SND1: variants seen among roughly 807,000 people sequenced by gnomAD.
SND1 encodes the protein staphylococcal nuclease domain-containing protein 1.
SND1 carries 38 observed loss-of-function variants against 121.7 expected under a neutral mutation model. The ratio of observed to expected loss-of-function variants is 0.31; its 90% CI spans 0.24 to 0.41. SND1 has a LOEUF of 0.41. Ranked by LOEUF, SND1 falls within the 10% of genes least tolerant of loss-of-function variation. SND1 has a pLI of 1.00. For synonymous variants in SND1, 401 were observed against 447.4 expected, an observed-to-expected ratio of 0.90 and a Z score of 1.31; for missense variants, 868 against 1,184.6, an observed-to-expected ratio of 0.73 and a Z score of 3.92.
intron 1 of SND1, among the ~76,000 whole-genome samples, chr7:127,683,568 A>T (rs1359421139): frequency 6.6e-6 from 1 of 152,230 alleles, no homozygotes; most frequent in African/African-American, 2.4e-5. Context: ...GAGGGAAACT[A>T]GTTCTTCCCT....
chr7:127,807,090 C>G (rs570628628), intron 10 of SND1, among the ~76,000 whole-genome samples: 1 of 152,306 alleles, frequency 6.6e-6, no homozygotes, highest in Non-Finnish European at 1.5e-5. Context: ...TTGTATGGAA[C>G]TAACAGTTGG....
chr7:127,774,830 C>T (rs1266221757), intron 10 of SND1, among the ~76,000 whole-genome samples: 1 of 152,204 alleles, frequency 6.6e-6, no homozygotes, highest in Non-Finnish European at 1.5e-5. Context: ...CTGCCCACCT[C>T]GGCCTCCCAA....
chr7:128,040,104 A>C lies in SND1; in HGVS notation c.1780-34398A>C, dbSNP rs143683192. Among the ~76,000 whole-genome samples the C allele has an allele frequency of 1.7e-4, 26 of 152,084 alleles. No homozygotes were observed. In the East Asian group the frequency reaches 4.8e-3, roughly 28 times the overall value. ...TCCATCAACGAACCCTTAATTTAAA[A>C]ACACTCAGGGAGACAGCAAACAGCT... is the stretch of plus-strand genomic sequence containing the variant. On this transcript the variant is annotated intron_variant, in intron 16 of 23. Transcript: ENST00000354725.
intron 15 of SND1, among the ~76,000 whole-genome samples, chr7:127,968,865 C>T (rs1315635693): frequency 6.6e-6 from 1 of 152,156 alleles, no homozygotes; most frequent in Non-Finnish European, 1.5e-5. Flanking sequence ...TTTGTTTTTG[C>T]CCCCAACTCC....
chr7:127,910,843 G>T (rs1800438672), intron 14 of SND1, among the ~76,000 whole-genome samples: 1 of 152,162 alleles, frequency 6.6e-6, no homozygotes, highest in African/African-American at 2.4e-5. Context: ...GGTTCTGCCG[G>T]GTGGGTTTCT....
At chr7:127,881,164 T>C (rs982603239) in intron 12 of SND1, among the ~76,000 whole-genome samples, 8 of 152,062 alleles carry the variant, frequency 5.3e-5, no homozygotes, top group Non-Finnish European at 1.0e-4. Flanking sequence ...TGCCTCCCAC[T>C]CTCTGGGTCC....
chr7:127,950,115 G>A (rs536458534), intron 15 of SND1, among the ~76,000 whole-genome samples: 174 of 152,292 alleles, frequency 1.1e-3, no homozygotes, highest in African/African-American at 4.1e-3. Flanking sequence ...GTCTGGAGTT[G>A]GGCCAGAGAA....
rs761021673 is a variant in SND1 at position 127,706,775 on chromosome 7, G to A, written c.948-782G>A. 7.5e-4 allele frequency among the ~76,000 whole-genome samples: 114 copies of A among 152,110 alleles called. 3 individuals are homozygous for A. The highest frequency in any genetic ancestry group is 1.6e-4 in the Non-Finnish European group (11 of 68,002). On this transcript the variant is annotated intron_variant, in intron 8 of 23. Coordinates refer to ENST00000354725, the MANE Select transcript of SND1 (RefSeq NM_014390.4). ...AGCTACTTGAATTGTAGGTAAAATT[G>A]CATCCTCTGTATTGAATTACTTCTT... is the stretch of plus-strand genomic sequence containing the variant.
At chr7:127,766,521 A>G (rs564563792) in intron 10 of SND1, among the ~76,000 whole-genome samples, 1 of 152,206 alleles carries the variant, frequency 6.6e-6, no homozygotes, top group Non-Finnish European at 1.5e-5. Flanking sequence ...CATGCCTTTA[A>G]TCCCAGCACT....
intron 16 of SND1, among the ~76,000 whole-genome samples, chr7:128,022,759 C>G (rs1004499308): frequency 7.4e-6 from 1 of 135,938 alleles, no homozygotes. Flanking sequence ...TAGAGCAGAT[C>G]CCTGAGTGAG....
intron 15 of SND1, among the ~76,000 whole-genome samples, chr7:127,969,801 T>A (rs978247822): frequency 2.6e-5 from 4 of 152,240 alleles, no homozygotes; most frequent in Non-Finnish European, 5.9e-5. Context: ...GGATGCACTT[T>A]ACTGTATTCA....
intron 16 of SND1, 31 bp from the exon 17 acceptor site, chr7:128,074,471 C>A (rs55998540): frequency 1.3e-6 from 2 of 1,583,494 alleles, no homozygotes; most frequent in Admixed American, 1.7e-5. Context: ...GGCCTGGCCC[C>A]CACAGGCTTA....
chr7:128,037,520 C>T (rs935359444), intron 16 of SND1, among the ~76,000 whole-genome samples: 2 of 152,240 alleles, frequency 1.3e-5, no homozygotes, highest in South Asian at 4.1e-4. Context: ...TTTCTAGGGG[C>T]TCATTCAGCC....
At chr7:127,842,705 T>TG (rs1798986776) in intron 11 of SND1, among the ~76,000 whole-genome samples, 1 of 152,134 alleles carries the variant, frequency 6.6e-6, no homozygotes, top group African/African-American at 2.4e-5. Context: ...TTCAGAGAGA[T>TG]GGGGGTCTTG....
intron 10 of SND1, among the ~76,000 whole-genome samples, chr7:127,800,120 T>A (rs995108494): frequency 9.2e-5 from 14 of 152,212 alleles, no homozygotes; most frequent in African/African-American, 3.4e-4. Context: ...CCAGGGCATG[T>A]GGTAATGCTC....
At chr7:128,028,751 T>A in intron 16 of SND1, 1 of 1,614,158 alleles carries the variant, frequency 6.2e-7, no homozygotes, top group Non-Finnish European at 8.5e-7. Context: ...TAGTGGTGAC[T>A]GTGGGGTGCA....
intron 15 of SND1, among the ~76,000 whole-genome samples, chr7:127,945,054 A>T (rs183452206): frequency 1.2e-3 from 176 of 152,292 alleles, no homozygotes; most frequent in African/African-American, 4.1e-3. Flanking sequence ...AAGATGCTTG[A>T]GGGTAGGGAC....
chr7:127,842,520 A>G (rs1798982717), intron 11 of SND1, among the ~76,000 whole-genome samples: 1 of 152,180 alleles, frequency 6.6e-6, no homozygotes, highest in Non-Finnish European at 1.5e-5. Context: ...CTAAGGATTC[A>G]TCTAGTCCAT....
chr7:127,658,194 A>T (rs1795244519), intron 1 of SND1, among the ~76,000 whole-genome samples: 1 of 152,148 alleles, frequency 6.6e-6, no homozygotes, highest in South Asian at 2.1e-4. Context: ...GCGCGCCTGT[A>T]GTCCCAGGTA....
Sources: allele counts gnomAD v4.1 joint callset (sites outside exome capture counted in the v4.1 genomes callset), GRCh38; gene constraint gnomAD v4.1.1; transcripts MANE v1.5; gene names NCBI Gene and HGNC (gene_info 2026-07-23, HGNC 2026-07-21).